The following ATG2B variants were observed in gnomAD, a reference collection of about 807,000 sequenced individuals.
The protein encoded by ATG2B is autophagy-related protein 2 homolog B.
ATG2B carries 121 observed loss-of-function variants against 241.3 expected under a neutral mutation model. The observed-to-expected ratio is 0.50, with a 90% CI of 0.43 to 0.58. ATG2B has a LOEUF of 0.58. Ranked by LOEUF, ATG2B falls within the 20% of genes least tolerant of loss-of-function variation. ATG2B has a pLI of 0.00. For missense variants in ATG2B, 2,306 were observed against 2,491.6 expected (o/e 0.93, Z 1.59); for synonymous variants, 858 against 876.6 (o/e 0.98, Z 0.37).
chr14:96,307,045 T>C, intron 29 of ATG2B, 129 bp from the exon 30 acceptor site: 2 of 823,066 alleles, frequency 2.4e-6, no homozygotes, highest in Admixed American at 5.4e-5. Context: ...AAAATAAGTC[T>C]ATGAATCTGA....
rs747165853 is a variant in ATG2B at position 96,309,453 on chromosome 14, C to A, written c.4303G>T (p.Gly1435Cys). The A allele has an allele frequency of 6.2e-7, 1 of 1,613,440 alleles. No homozygotes were observed. Among genetic ancestry groups the A allele is most frequent in the Non-Finnish European group, 8.5e-7 (1 of 1,179,692 alleles). Residue 1435 changes from glycine to cysteine, a missense_variant and splice_region_variant, in exon 29 of 42, where the codon GGT becomes TGT. By Grantham distance (159) the Gly-to-Cys change is radical. This residue lies in a region of ATG2B where 1,927 missense variants were observed against 2,011.2 expected (regional missense o/e 0.96). Coordinates refer to ENST00000359933, the MANE Select transcript of ATG2B (RefSeq NM_018036.7). ...GTSSVKPQAN[G>C]VLDEKSQIQE... ...TCCCTGAGAAGAGTCCTGGTCTTAC[C>A]ATTAGCCTGTGGTTTTACTGACGAG... is the stretch of plus-strand genomic sequence containing the variant.
chr14:96,313,931 T>C (rs1409045109), intron 23 of ATG2B, among the ~76,000 whole-genome samples: 2 of 152,198 alleles, frequency 1.3e-5, no homozygotes, highest in African/African-American at 4.8e-5. Flanking sequence ...GCTTCTTATA[T>C]AACTCATTGT....
At chr14:96,296,039 T>C (rs1464522432) in intron 34 of ATG2B, among the ~76,000 whole-genome samples, 1 of 152,096 alleles carries the variant, frequency 6.6e-6, no homozygotes, top group Non-Finnish European at 1.5e-5. Flanking sequence ...CTGCAAGCTC[T>C]GCCTCCTGGG....
chr14:96,320,405 T>C (rs1418337559), intron 18 of ATG2B, among the ~76,000 whole-genome samples: 2 of 152,014 alleles, frequency 1.3e-5, no homozygotes, highest in Non-Finnish European at 2.9e-5. Flanking sequence ...CTTACATATC[T>C]CTGAAAAAAT....
intron 1 of ATG2B, among the ~76,000 whole-genome samples, chr14:96,358,918 T>C (rs1240169107): frequency 6.6e-6 from 1 of 152,200 alleles, no homozygotes; most frequent in East Asian, 1.9e-4. Flanking sequence ...TTATCATCAA[T>C]GAGTTTCACG....
At position 96,322,213 on chromosome 14, in the gene ATG2B, C is replaced by T. The variant is rs766804423; in HGVS notation, c.2778G>A (p.Gln926=). 1.0e-5 allele frequency: 16 copies of T among 1,596,604 alleles called. No individual in the cohort carries two copies. The highest frequency in any genetic ancestry group is 1.8e-5 in the Admixed American group (1 of 55,146). The change falls in exon 18 of 42, where the codon CAG becomes CAA. Residue 926 remains glutamine, a synonymous_variant. Transcript: ENST00000359933. ...AGTGAGAATTGCTGATTGCTTTATC[C>T]TGAAATTCTGTCATTTCTACAGGGT... ...PGDPVEMTEF[Q]DKAISNSHYV...
rs750731871 is a variant in ATG2B at position 96,311,530 on chromosome 14, T to A, written c.3990+12A>T. 2 of 1,579,248 alleles carry A rather than the reference T, an allele frequency of 1.3e-6. No individual in the cohort carries two copies. The highest frequency in any genetic ancestry group is 1.7e-6 in the Non-Finnish European group (2 of 1,158,634). On this transcript the variant is annotated intron_variant, in intron 27 of 41. Coordinates refer to ENST00000359933, the MANE Select transcript of ATG2B (RefSeq NM_018036.7). ...ATAGAACTTAAAATTTTCATTTATT[T>A]TAATAACTCACTTGCTCTCCATCAG...
intron 31 of ATG2B, 109 bp from the exon 32 acceptor site, chr14:96,304,712 A>G (rs1245709803): frequency 2.5e-6 from 2 of 812,374 alleles, no homozygotes; most frequent in Non-Finnish European, 1.9e-6. Flanking sequence ...GTAAGAGTAC[A>G]GAGCTATCAG....
Position 96,341,507 on chromosome 14 carries a change from G to C in ATG2B, c.924+15C>G. ...TTATTTTGGTTTTACTACAGAAAGT[G>C]AAACAAACACTGACCTTAGCTCCAG... On this transcript the variant is annotated intron_variant, in intron 6 of 41. Coordinates refer to ENST00000359933, the MANE Select transcript of ATG2B (RefSeq NM_018036.7). 1 of 1,548,552 alleles carries C rather than the reference G, an allele frequency of 6.5e-7. No individual in the cohort carries two copies.
intron 16 of ATG2B, 91 bp from the exon 17 acceptor site, chr14:96,322,826 T>C: frequency 1.0e-6 from 1 of 1,003,736 alleles, no homozygotes; most frequent in Non-Finnish European, 1.4e-6. Context: ...ACACCACTGG[T>C]TAAATCTTAA....
intron 29 of ATG2B, among the ~76,000 whole-genome samples, chr14:96,308,778 C>T (rs1291199587): frequency 6.6e-6 from 1 of 152,070 alleles, no homozygotes; most frequent in African/African-American, 2.4e-5. Flanking sequence ...ATAGCTATGA[C>T]CATTCAATTA....
In ATG2B at chr14:96,313,101, C is replaced by G. The variant is rs754833236; in HGVS notation, c.3806G>C (p.Ser1269Thr). Residue 1269 changes from serine (S) to threonine (T), a missense_variant, in exon 25 of 42, where the codon AGT becomes ACT. By Grantham distance (58) the Ser-to-Thr change is moderately conservative (BLOSUM62 1). Coordinates refer to ENST00000359933, the MANE Select transcript of ATG2B (RefSeq NM_018036.7). ...GGAAGATTTATCCAATGCAACGCTA[C>G]TGGAAACACTGAATGTTTCCACGGT... is the stretch of plus-strand genomic sequence containing the variant. Reference protein sequence around the residue: ...LLTVETFSVSSSVALDKSSST... With the variant: ...LLTVETFSVSTSVALDKSSST... The G allele has an allele frequency of 1.2e-6, 2 of 1,613,240 alleles. No homozygotes were observed. The highest frequency in any genetic ancestry group is 1.7e-6 in the Non-Finnish European group (2 of 1,179,526).
At chr14:96,310,705 G>A (rs1231996905) in intron 28 of ATG2B, among the ~76,000 whole-genome samples, 1 of 152,148 alleles carries the variant, frequency 6.6e-6, no homozygotes, top group Non-Finnish European at 1.5e-5. Flanking sequence ...GATTGTCTTA[G>A]AGATAAAAAA....
Position 96,280,127 on chromosome 14 carries a change from G to C in ATG2B, c.*5628C>G, listed in dbSNP as rs373902935. ...CTAAGCACAGCCAGAAGAGGGGAGA[G>C]GGGCTGGAGACGCCAGGAAGAGATC... is the stretch of plus-strand genomic sequence containing the variant. On this transcript the variant is annotated 3_prime_UTR_variant, in exon 42 of 42. Coordinates refer to ENST00000359933, the MANE Select transcript of ATG2B (RefSeq NM_018036.7). 6 of 152,252 alleles carry C rather than the reference G, an allele frequency of 3.9e-5. No homozygotes were observed. In the East Asian group the frequency reaches 7.7e-4, roughly 20 times the overall value. 9.4% of individuals were successfully genotyped at this position (152,252 alleles called of 1,614,324 possible). A position where few individuals can be genotyped will look rare whatever the true frequency, so the allele number is the denominator to read the frequency against.
At chr14:96,340,825 G>C (rs1012703775) in intron 6 of ATG2B, among the ~76,000 whole-genome samples, 1 of 151,770 alleles carries the variant, frequency 6.6e-6, no homozygotes, top group Non-Finnish European at 1.5e-5. Flanking sequence ...GGCTGAGGCG[G>C]GAGGGTTGCT....
chr14:96,349,803 G>C (rs1254244754), intron 1 of ATG2B, among the ~76,000 whole-genome samples: 1 of 152,104 alleles, frequency 6.6e-6, no homozygotes, highest in Admixed American at 6.6e-5. Context: ...GAGGAAGCTG[G>C]AGCTTCCTCC....
At chr14:96,320,195 G>A (rs1887423033) in intron 18 of ATG2B, among the ~76,000 whole-genome samples, 1 of 152,088 alleles carries the variant, frequency 6.6e-6, no homozygotes. Flanking sequence ...TGCTGTTGGT[G>A]GACATCTCTC....
intron 18 of ATG2B, among the ~76,000 whole-genome samples, chr14:96,319,881 G>C (rs531859488): frequency 3.3e-5 from 5 of 152,220 alleles, no homozygotes; most frequent in African/African-American, 1.2e-4. Context: ...AAAATACAAA[G>C]CCGGATAAGG....
chr14:96,337,852 G>A (rs1002052676), intron 6 of ATG2B, among the ~76,000 whole-genome samples: 7 of 152,046 alleles, frequency 4.6e-5, no homozygotes, highest in African/African-American at 1.7e-4. Context: ...TGAATATGTG[G>A]ATTGTTGTGG....
Sources: allele counts gnomAD v4.1 joint callset (sites outside exome capture counted in the v4.1 genomes callset), GRCh38; gene constraint gnomAD v4.1.1; regional missense constraint gnomAD v4.1.1; transcripts MANE v1.5; gene names NCBI Gene and HGNC (gene_info 2026-07-23, HGNC 2026-07-21).